The following ZC3H7B variants were observed in gnomAD, a reference collection of about 807,000 sequenced individuals.
ZC3H7B encodes the protein zinc finger CCCH-type containing 7B.
A neutral mutation model predicts 116.0 loss-of-function variants in ZC3H7B; 35 were observed. The ratio of observed to expected loss-of-function variants is 0.30; its 90% CI spans 0.23 to 0.40. The LOEUF is 0.40. ZC3H7B is among the 10% of genes least tolerant of loss of function. ZC3H7B has a pLI of 1.00. For missense variants in ZC3H7B, 1,011 were observed against 1,321.5 expected (o/e 0.77, Z 3.64); for synonymous variants, 502 against 545.6 (o/e 0.92, Z 1.11).
At chr22:41,356,891 C>A in intron 22 of ZC3H7B, 83 bp downstream of exon 22, 2 of 1,582,220 alleles carry the variant, frequency 1.3e-6, no homozygotes, top group Non-Finnish European at 1.7e-6. Flanking sequence ...CTCCTCTTGG[C>A]CTGGAGGTGG....
chr22:41,320,626 T>C (rs375912858), intron 1 of ZC3H7B, 29 bp from the exon 2 acceptor site: 1 of 1,613,418 alleles, frequency 6.2e-7, no homozygotes. Flanking sequence ...TCTTGCTGAC[T>C]GACTGATGGA....
rs750540971 is a variant in ZC3H7B, at chr22:41,356,368, C to A, written c.2409C>A (p.Asp803Glu). The change falls in exon 21 of 23, where the codon GAC (aspartate) becomes GAA (glutamate). Residue 803 changes from aspartate to glutamate, a missense_variant. Asp to Glu is a conservative substitution (Grantham distance 45, BLOSUM62 2). This residue lies in a region of ZC3H7B where 406 missense variants were observed against 590.2 expected (regional missense o/e 0.69). Coordinates refer to ENST00000352645, the MANE Select transcript of ZC3H7B (RefSeq NM_017590.6). ...NKILDMQQTY[D>E]MWLKKHNPGK... ...TCCTGGACATGCAGCAGACCTATGA[C>A]ATGTGGCTGAAAAAACACAACCCAG... 19 of 1,614,150 alleles carry A rather than the reference C, an allele frequency of 1.2e-5. No homozygotes were observed. The South Asian group carries it at 2.1e-4, about 18-fold the overall frequency.
chr22:41,304,911 C>A (rs993371771), intron 1 of ZC3H7B, among the ~76,000 whole-genome samples: 1 of 152,166 alleles, frequency 6.6e-6, no homozygotes, highest in Non-Finnish European at 1.5e-5. Context: ...GCCCTCTGCA[C>A]CACCTTCCTC....
chr22:41,338,345 C>T lies in ZC3H7B; in HGVS notation c.615C>T (p.Asp205=). 2 of 1,613,754 alleles carry T rather than the reference C, an allele frequency of 1.2e-6. No individual in the cohort carries two copies. Among genetic ancestry groups the T allele is most frequent in the Non-Finnish European group, 1.7e-6 (2 of 1,179,894 alleles). Residue 205 remains aspartate, a synonymous_variant, in exon 8 of 23, where the codon GAC becomes GAT. Coordinates refer to ENST00000352645, the MANE Select transcript of ZC3H7B (RefSeq NM_017590.6). The surrounding 1 kb of genome is among the most constrained non-coding windows in gnomAD (Gnocchi z 4.5). ...GTSNGLGSID[D]IETDCYVDPR... ...CTAATGGATTGGGGTCCATAGATGA[C>T]ATCGAAACAGGTAATGTCCCCGATA...
At chr22:41,344,284 G>A (rs2036558944) in intron 13 of ZC3H7B, among the ~76,000 whole-genome samples, 1 of 152,132 alleles carries the variant, frequency 6.6e-6, no homozygotes, top group Non-Finnish European at 1.5e-5. Flanking sequence ...GCCCGCCCAG[G>A]CCTCCTGAAC....
chr22:41,328,369 A>G (rs933319191), intron 5 of ZC3H7B, among the ~76,000 whole-genome samples: 2 of 152,192 alleles, frequency 1.3e-5, no homozygotes, highest in African/African-American at 2.4e-5. Context: ...TCTTTTCCCA[A>G]TCTTTGTTGG....
chr22:41,315,046 G>A (rs1220112031), intron 1 of ZC3H7B, among the ~76,000 whole-genome samples: 2 of 151,412 alleles, frequency 1.3e-5, no homozygotes, highest in African/African-American at 4.8e-5. Context: ...TGCCTTCTCT[G>A]AGTCATGCCT....
intron 21 of ZC3H7B, 25 bp from the exon 22 acceptor site, chr22:41,356,620 G>C (rs372261336): frequency 1.5e-5 from 24 of 1,612,712 alleles, no homozygotes; most frequent in Middle Eastern, 1.7e-4. Flanking sequence ...GGGGGAGCAG[G>C]CACCCATGAT....
chr22:41,303,118 C>T (rs1164279738), intron 1 of ZC3H7B, among the ~76,000 whole-genome samples: 1 of 152,218 alleles, frequency 6.6e-6, no homozygotes, highest in South Asian at 2.1e-4. Flanking sequence ...GCCATCCCCT[C>T]CGTGGTGGTC....
chr22:41,307,548 G>A (rs963832854), intron 1 of ZC3H7B, among the ~76,000 whole-genome samples: 2 of 152,208 alleles, frequency 1.3e-5, no homozygotes, highest in Non-Finnish European at 2.9e-5. Context: ...CAGCATCACA[G>A]CTCCTCAGCG....
At chr22:41,328,950 G>A (rs1467956116) in intron 5 of ZC3H7B, among the ~76,000 whole-genome samples, 1 of 151,244 alleles carries the variant, frequency 6.6e-6, no homozygotes, top group Non-Finnish European at 1.5e-5. Context: ...ACTTTGGGAG[G>A]CCGAGGCGGG....
At chr22:41,354,075 TG>T (rs1467155514) in intron 17 of ZC3H7B, among the ~76,000 whole-genome samples, 2 of 152,188 alleles carry the variant, frequency 1.3e-5, no homozygotes, top group Admixed American at 1.3e-4. Flanking sequence ...CCACCTGCTA[TG>T]GCAAGGAGCT....
intron 17 of ZC3H7B, among the ~76,000 whole-genome samples, chr22:41,354,982 G>A (rs1324153563): frequency 2.6e-5 from 4 of 152,188 alleles, no homozygotes; most frequent in African/African-American, 9.7e-5. Flanking sequence ...ACTCATAGAC[G>A]GGTGAGTCGG....
chr22:41,317,770 C>T (rs1249793329), intron 1 of ZC3H7B, among the ~76,000 whole-genome samples: 1 of 152,072 alleles, frequency 6.6e-6, no homozygotes, highest in African/African-American at 2.4e-5. Flanking sequence ...GGCAACAGAG[C>T]GAGACCCTAT....
At chr22:41,305,180 A>G (rs1405677855) in intron 1 of ZC3H7B, among the ~76,000 whole-genome samples, 1 of 152,136 alleles carries the variant, frequency 6.6e-6, no homozygotes, top group African/African-American at 2.4e-5. Flanking sequence ...CCCCACCTCT[A>G]CTAAAAGTAC....
chr22:41,331,697 C>T (rs1029186435), intron 6 of ZC3H7B, among the ~76,000 whole-genome samples: 1 of 151,794 alleles, frequency 6.6e-6, no homozygotes, highest in Non-Finnish European at 1.5e-5. Flanking sequence ...ATGGCGAAAC[C>T]GTATCTCTAC....
At chr22:41,343,622 C>G (rs766394632) in intron 13 of ZC3H7B, 46 bp downstream of exon 13, 40 of 1,522,388 alleles carry the variant, frequency 2.6e-5, no homozygotes, top group Middle Eastern at 3.7e-4. Flanking sequence ...GGGCCCAGCC[C>G]CTCCACCCCC....
At chr22:41,304,026 G>T (rs2092564) in intron 1 of ZC3H7B, among the ~76,000 whole-genome samples, 1 of 151,994 alleles carries the variant, frequency 6.6e-6, no homozygotes, top group Admixed American at 6.6e-5. Context: ...CAAAGTGCTG[G>T]GATTACAGGC....
chr22:41,322,135 G>A (rs552367151), intron 2 of ZC3H7B, among the ~76,000 whole-genome samples: 13 of 139,380 alleles, frequency 9.3e-5, no homozygotes, highest in South Asian at 2.3e-4. Flanking sequence ...CACCGCGCCC[G>A]GCCAAAACTC....
Sources: gnomAD v4.1 joint callset for allele counts (sites outside exome capture counted in the v4.1 genomes callset) on GRCh38, gnomAD v4.1.1 for gene constraint, gnomAD v4.1.1 regional missense constraint, Gnocchi (gnomAD v3.1) non-coding constraint, MANE v1.5 for transcripts, NCBI Gene and HGNC (gene_info 2026-07-23, HGNC 2026-07-21) for gene names.